FBXL7: variants seen among roughly 807,000 people sequenced by gnomAD.
FBXL7 encodes the protein F-box/LRR-repeat protein 7.
In FBXL7, 12 loss-of-function variants were observed where a neutral mutation model predicts 38.3. That is an observed-to-expected ratio of 0.31 (90% CI 0.20 to 0.51). The LOEUF is 0.51. Among genes scored for constraint, FBXL7 ranks in the 20% least tolerant of loss-of-function variants. The pLI is 0.98. For missense variants in FBXL7, 567 were observed against 676.4 expected, an observed-to-expected ratio of 0.84 and a Z score of 1.79; for synonymous variants, 297 against 300.9, an observed-to-expected ratio of 0.99 and a Z score of 0.13.
intron 2 of FBXL7, among the ~76,000 whole-genome samples, chr5:15,642,817 C>T (rs549053591): frequency 1.3e-5 from 2 of 152,160 alleles, no homozygotes; most frequent in African/African-American, 4.8e-5. Flanking sequence ...TCCTAAAATT[C>T]TTACATCCCA....
At chr5:15,534,676 C>T (rs1053578161) in intron 1 of FBXL7, among the ~76,000 whole-genome samples, 3 of 152,014 alleles carry the variant, frequency 2.0e-5, no homozygotes, top group African/African-American at 7.3e-5. Flanking sequence ...AGGTAAATAC[C>T]AAGGACTATT....
intron 1 of FBXL7, among the ~76,000 whole-genome samples, chr5:15,610,998 C>G (rs1437447676): frequency 6.6e-6 from 1 of 152,162 alleles, no homozygotes; most frequent in Non-Finnish European, 1.5e-5. Context: ...ATCTTCCATG[C>G]TACCTATCCC....
chr5:15,851,968 A>C, intron 2 of FBXL7, among the ~76,000 whole-genome samples: 1 of 152,112 alleles, frequency 6.6e-6, no homozygotes, highest in East Asian at 1.9e-4. Context: ...AAATATAATA[A>C]AGGTATATCT....
At chr5:15,850,990 G>A (rs911262655) in intron 2 of FBXL7, among the ~76,000 whole-genome samples, 1 of 152,300 alleles carries the variant, frequency 6.6e-6, no homozygotes, top group South Asian at 2.1e-4. Context: ...TCCTAGAGCC[G>A]CTTTGCCTCT....
intron 3 of FBXL7, among the ~76,000 whole-genome samples, chr5:15,934,189 G>A (rs929853739): frequency 6.6e-6 from 1 of 152,104 alleles, no homozygotes; most frequent in Non-Finnish European, 1.5e-5. Flanking sequence ...GTTTTTAGTA[G>A]AGACGGGGTT....
intron 2 of FBXL7, among the ~76,000 whole-genome samples, chr5:15,627,305 T>A (rs1375150504): frequency 6.6e-6 from 1 of 152,014 alleles, no homozygotes; most frequent in Non-Finnish European, 1.5e-5. Context: ...AGGGAGTGGG[T>A]GTGGGTTGGA....
chr5:15,569,626 T>C (rs1310105188), intron 1 of FBXL7, among the ~76,000 whole-genome samples: 8 of 151,746 alleles, frequency 5.3e-5, no homozygotes, highest in Non-Finnish European at 1.2e-4. Context: ...TCCAACACTA[T>C]GTTGAATAGG....
chr5:15,595,596 CT>C (rs1426155020), intron 1 of FBXL7, among the ~76,000 whole-genome samples: 1 of 152,210 alleles, frequency 6.6e-6, no homozygotes, highest in Non-Finnish European at 1.5e-5. Flanking sequence ...TTGTTGAGCA[CT>C]TACTATGTGC....
intron 2 of FBXL7, among the ~76,000 whole-genome samples, chr5:15,902,717 T>C (rs1292349726): frequency 6.6e-6 from 1 of 152,220 alleles, no homozygotes; most frequent in Non-Finnish European, 1.5e-5. Flanking sequence ...GAAGCAGCAG[T>C]AGAGTTGGTT....
chr5:15,712,349 A>G (rs1743901055), intron 2 of FBXL7, among the ~76,000 whole-genome samples: 2 of 67,546 alleles, frequency 3.0e-5, no homozygotes, highest in Admixed American at 3.0e-4. Context: ...AATTTAAAAT[A>G]GTGAAAAAAA....
intron 2 of FBXL7, among the ~76,000 whole-genome samples, chr5:15,696,921 T>G (rs922843656): frequency 7.9e-5 from 12 of 152,176 alleles, no homozygotes; most frequent in African/African-American, 2.9e-4. Flanking sequence ...CCCTTTCCCT[T>G]AGTGTCTTTG....
intron 1 of FBXL7, among the ~76,000 whole-genome samples, chr5:15,579,759 A>G (rs1307827181): frequency 2.0e-5 from 3 of 152,136 alleles, no homozygotes; most frequent in Non-Finnish European, 2.9e-5. Flanking sequence ...AGAACTGGAC[A>G]GGACCAGCTT....
At chr5:15,796,478 GAAA>G (rs35098278) in intron 2 of FBXL7, among the ~76,000 whole-genome samples, 3 of 149,744 alleles carry the variant, frequency 2.0e-5, no homozygotes, top group African/African-American at 7.4e-5. Flanking sequence ...TCTTGTTACA[GAAA>G]AAAAAAAAAT....
intron 1 of FBXL7, among the ~76,000 whole-genome samples, chr5:15,547,433 C>T (rs1467004116): frequency 1.3e-5 from 2 of 152,156 alleles, no homozygotes; most frequent in Admixed American, 6.6e-5. Flanking sequence ...AGGTGTGAAG[C>T]AGTTTCATTG....
intron 2 of FBXL7, among the ~76,000 whole-genome samples, chr5:15,781,774 T>G (rs1006602353): frequency 6.6e-6 from 1 of 151,798 alleles, no homozygotes. Context: ...TAAAGGAGAG[T>G]GTAAAACTGG....
At chr5:15,574,162 T>C (rs1388186086) in intron 1 of FBXL7, among the ~76,000 whole-genome samples, 1 of 152,232 alleles carries the variant, frequency 6.6e-6, no homozygotes, top group South Asian at 2.1e-4. Flanking sequence ...TCTGTAATAA[T>C]ATATGTTTTC....
At chr5:15,853,482 G>A (rs1024177677) in intron 2 of FBXL7, among the ~76,000 whole-genome samples, 7 of 152,094 alleles carry the variant, frequency 4.6e-5, no homozygotes, top group African/African-American at 1.7e-4. Flanking sequence ...TGGCAGGGGT[G>A]GCGAGAGGTG....
At chr5:15,816,028 C>CA (rs1738004183) in intron 2 of FBXL7, among the ~76,000 whole-genome samples, 1 of 151,946 alleles carries the variant, frequency 6.6e-6, no homozygotes, top group African/African-American at 2.4e-5. Context: ...TTTGGCTGCT[C>CA]AAAAATAAAT....
chr5:15,923,980 G>A (rs1741814364), intron 2 of FBXL7, among the ~76,000 whole-genome samples: 1 of 152,070 alleles, frequency 6.6e-6, no homozygotes, highest in South Asian at 2.1e-4. Flanking sequence ...CCTCACAGCT[G>A]CTAAAATGTC....
Sources: gnomAD v4.1 joint callset for allele counts (sites outside exome capture counted in the v4.1 genomes callset) on GRCh38, gnomAD v4.1.1 for gene constraint, MANE v1.5 for transcripts, NCBI Gene and HGNC (gene_info 2026-07-23, HGNC 2026-07-21) for gene names.